Variants in POMGNT1 observed in about 807,000 individuals in gnomAD.
POMGNT1 encodes protein O-linked-mannose beta-1,2-N-acetylglucosaminyltransferase 1.
A neutral mutation model predicts 95.6 loss-of-function variants in POMGNT1; 67 were observed. The observed-to-expected ratio is 0.70, with a 90% confidence interval of 0.58 to 0.86. The LOEUF (loss-of-function observed/expected upper bound fraction) is 0.86. Ranked by LOEUF, POMGNT1 falls within the 40% of genes least tolerant of loss-of-function variation. The pLI is 0.00. For synonymous variants in POMGNT1, 298 were observed against 317.9 expected, an observed-to-expected ratio of 0.94 and a Z score of 0.66; for missense variants, 719 against 855.2, an observed-to-expected ratio of 0.84 and a Z score of 1.99.
chr1:46,190,406 A>G, intron 19 of POMGNT1, 67 bp downstream of exon 19: 1 of 1,512,236 alleles, frequency 6.6e-7, no homozygotes, highest in Non-Finnish European at 9.2e-7. Context: ...CCTGTAAATT[A>G]TGGGGCCAAG....
intron 17 of POMGNT1, 51 bp downstream of exon 17, chr1:46,192,047 T>C: frequency 6.4e-7 from 1 of 1,571,068 alleles, no homozygotes; most frequent in East Asian, 2.2e-5. Flanking sequence ...TCCATGTTCT[T>C]GTTCTTGACT....
rs148903585 is a variant in POMGNT1 at position 46,188,819 on chromosome 1, G to T, written c.*451C>A. On this transcript the variant is annotated 3_prime_UTR_variant, in exon 22 of 22. Transcript: ENST00000371984. ...AGTCTGTGTCAGCATGTGGGCCCCA[G>T]CTGGGCCTGTCCATGGGTTGGGCAC... 1.2e-6 allele frequency: 2 copies of T among 1,612,918 alleles called. No homozygotes were observed. The highest frequency in any genetic ancestry group is 2.2e-5 in the South Asian group (2 of 91,080).
chr1:46,192,619 G>A, intron 14 of POMGNT1, 29 bp from the exon 15 acceptor site: 1 of 1,612,416 alleles, frequency 6.2e-7, no homozygotes, highest in Non-Finnish European at 8.5e-7. Context: ...AAGAGTTCAG[G>A]GAGGGACAAG....
intron 1 of POMGNT1, 199 bp downstream of exon 1, chr1:46,198,137 C>T: frequency 2.5e-6 from 1 of 392,662 alleles, no homozygotes; most frequent in Non-Finnish European, 4.8e-6. Flanking sequence ...GTTCGTTAGC[C>T]CCTACAAGGA....
chr1:46,211,635 C>G (rs759138917), intron 1 of POMGNT1, among the ~76,000 whole-genome samples: 8 of 152,008 alleles, frequency 5.3e-5, no homozygotes, highest in Admixed American at 1.3e-4. Flanking sequence ...TAGATAGTAC[C>G]TCATATTATA....
At chr1:46,219,785 G>C in exon 1 of POMGNT1, 1 of 1,614,212 alleles carries the variant, frequency 6.2e-7, no homozygotes, top group South Asian at 1.1e-5. Context: ...GGCTGTTGGA[G>C]GAGCGGGGGA....
rs967600313 is a variant in POMGNT1 at position 46,196,872 on chromosome 1, G to A, written c.236-23C>T. 1.9e-6 allele frequency: 3 copies of A among 1,614,082 alleles called. No individual in the cohort carries two copies. Among genetic ancestry groups the A allele is most frequent in the Non-Finnish European group, 2.5e-6 (3 of 1,180,058 alleles). On this transcript the variant is annotated intron_variant, in intron 3 of 21. Transcript: ENST00000371984. This position sits in a 1 kb window ranked among gnomAD's most constrained non-coding sequence, Gnocchi z 4.4. ...CATCTGTGGGGTACAACAGGTCATGGAGATAGTCTCCTCAGCAGAGTCTCA... is the reference window on the plus strand; with the variant it reads ...CATCTGTGGGGTACAACAGGTCATGAAGATAGTCTCCTCAGCAGAGTCTCA...
At chr1:46,193,740 G>T (rs1342852473) in intron 10 of POMGNT1, 101 bp from the exon 11 acceptor site, 1 of 1,598,744 alleles carries the variant, frequency 6.3e-7, no homozygotes, top group Non-Finnish European at 8.5e-7. Flanking sequence ...TACCCACAGA[G>T]GTGAATGCGT....
At chr1:46,205,538 C>T (rs1186769578) in intron 1 of POMGNT1, among the ~76,000 whole-genome samples, 3 of 152,216 alleles carry the variant, frequency 2.0e-5, no homozygotes, top group African/African-American at 7.2e-5. Context: ...ATTCTGAACT[C>T]ACATAGGGAG....
In POMGNT1 at chr1:46,197,074, A is replaced by G. The variant is rs759712139; in HGVS notation, c.131T>C (p.Val44Ala). 9.3e-6 allele frequency: 15 copies of G among 1,614,174 alleles called. No individual in the cohort carries two copies. Among genetic ancestry groups the G allele is most frequent in the Non-Finnish European group, 1.1e-5 (13 of 1,179,998 alleles). Residue 44 changes from valine (V) to alanine (A), a missense_variant, in exon 3 of 22, where the codon GTG becomes GCG. Around this residue, in one of 5 missense-constraint regions of POMGNT1, gnomAD observed 466 missense variants for 517.4 expected, o/e 0.90. Transcript: ENST00000371984. ...AATGACAGTCACCAGCAGGAAAAGC[A>G]CGGCCCCTGTCTGAGGGGAGGGGTA... is the stretch of plus-strand genomic sequence containing the variant. ...ALRRFCQTGA[V>A]LFLLVTVIVN...
chr1:46,197,723 C>A lies in POMGNT1; in HGVS notation c.99G>T (p.Arg33=), dbSNP rs767852518. 8 of 1,613,998 alleles carry A rather than the reference C, an allele frequency of 5.0e-6. No homozygotes were observed. In the African/African-American group the frequency reaches 8.0e-5, roughly 16 times the overall value. ...LTWKYKLTNQ[R]ALRRFCQTGA... ...ATACCTGACAGAATCTCCGCAGGGC[C>A]CGCTGGTTTGTCAGTTTATACTTCC... Residue 33 remains arginine (R), a synonymous_variant, in exon 2 of 22, where the codon CGG becomes CGT. Coordinates refer to ENST00000371984, the MANE Select transcript of POMGNT1 (RefSeq NM_017739.4).
chr1:46,203,549 C>T, intron 1 of POMGNT1: 1 of 1,566,334 alleles, frequency 6.4e-7, no homozygotes, highest in Non-Finnish European at 8.6e-7. Flanking sequence ...GAACCTCTGG[C>T]GCCCTGCTGC....
rs915738642 is a variant in POMGNT1 at position 46,192,350 on chromosome 1, C to G, written c.1371G>C (p.Leu457Phe). 1.2e-6 allele frequency: 2 copies of G among 1,614,076 alleles called. No homozygotes were observed. The highest frequency in any genetic ancestry group is 1.7e-6 in the Non-Finnish European group (2 of 1,180,028). ...ACTTGGGCTCAAGCTCCTCCTTGTA[C>G]AAGGACCTCCTGAGCACCCAGCCCA... is the stretch of plus-strand genomic sequence containing the variant. The part of the protein sequence containing the change: ...PGLGWVLRRS[L>F]YKEELEPKWP... Residue 457 changes from leucine (L) to phenylalanine (F), a missense_variant, in exon 16 of 22, where the codon TTG becomes TTC. Physicochemically the swap from Leu to Phe is conservative, Grantham distance 22 (BLOSUM62 0). Coordinates refer to ENST00000371984, the MANE Select transcript of POMGNT1 (RefSeq NM_017739.4).
rs755885722 is a variant in POMGNT1, at chr1:46,195,918, C to T, written c.427G>A (p.Val143Met). The change falls in exon 6 of 22, where the codon GTG becomes ATG. Residue 143 changes from valine to methionine, a missense_variant. Val to Met is a conservative substitution (Grantham distance 21). Transcript: ENST00000371984. ...VIVLNQATGH[V>M]MAKRVFDTYS... The stretch of plus-strand genomic sequence containing the variant: ...GTGTCAAACACACGTTTTGCCATCA[C>T]GTGGCCCTGGCAGGGGATATACTTC... 17 of 1,614,034 alleles carry T rather than the reference C, an allele frequency of 1.1e-5. No homozygotes were observed. The highest frequency in any genetic ancestry group is 6.6e-5 in the South Asian group (6 of 91,080).
intron 17 of POMGNT1, 100 bp from the exon 18 acceptor site, chr1:46,190,884 T>C: frequency 8.7e-7 from 1 of 1,148,732 alleles, no homozygotes; most frequent in Non-Finnish European, 1.3e-6. Context: ...AATGAAGTCC[T>C]AGACCTGTAA....
chr1:46,210,665 A>C (rs1364579591), intron 1 of POMGNT1, among the ~76,000 whole-genome samples: 1 of 152,182 alleles, frequency 6.6e-6, no homozygotes, highest in African/African-American at 2.4e-5. Flanking sequence ...AGATGAAGAG[A>C]TGCATGGGGC....
chr1:46,194,813 C>A lies in POMGNT1; in HGVS notation c.652+31G>T. ...TTCTGCTCCTCCCAGGCTCTTGATA[C>A]TACAGAGTGGATGGCCTCTGATGCC... On this transcript the variant is annotated intron_variant, in intron 7 of 21. Transcript: ENST00000371984. 1.9e-6 allele frequency: 3 copies of A among 1,613,784 alleles called. No individual in the cohort carries two copies. The Admixed American group carries it at 5.0e-5, about 27-fold the overall frequency.
upstream of POMGNT1, among the ~76,000 whole-genome samples, chr1:46,201,927 T>C (rs1658545243): frequency 1.3e-5 from 2 of 150,944 alleles, no homozygotes; most frequent in South Asian, 2.1e-4. Flanking sequence ...GCCCAGGAGT[T>C]TGAGTCCAGC....
chr1:46,189,339 T>C lies in POMGNT1; in HGVS notation c.1914A>G (p.Ser638=). 1 of 1,613,820 alleles carries C rather than the reference T, an allele frequency of 6.2e-7. No individual in the cohort carries two copies. The highest frequency in any genetic ancestry group is 8.5e-7 in the Non-Finnish European group (1 of 1,179,994). The change falls in exon 22 of 22, where the codon TCA becomes TCG. Residue 638 remains serine, a synonymous_variant. Transcript: ENST00000371984. The part of the protein sequence containing the change: ...ASPYSVKKPP[S]VTPIFLEPPP... ...GTGGCTCCAGGAAAATTGGGGTGACTGAGGGTGGCTTCTTCACTCTGGGAA... is the reference window on the plus strand; with the variant it reads ...GTGGCTCCAGGAAAATTGGGGTGACCGAGGGTGGCTTCTTCACTCTGGGAA...
Sources: allele counts gnomAD v4.1 joint callset (sites outside exome capture counted in the v4.1 genomes callset), GRCh38; gene constraint gnomAD v4.1.1; regional missense constraint gnomAD v4.1.1; non-coding constraint Gnocchi (gnomAD v3.1); transcripts MANE v1.5; gene names NCBI Gene and HGNC (gene_info 2026-07-23, HGNC 2026-07-21).